The following DLG2 variants were observed in gnomAD, a reference collection of about 807,000 sequenced individuals.
The protein encoded by DLG2 is discs large MAGUK scaffold protein 2.
A neutral mutation model predicts 132.5 loss-of-function variants in DLG2; 45 were observed. The observed-to-expected ratio is 0.34, with a 90% CI of 0.27 to 0.44. The LOEUF (loss-of-function observed/expected upper bound fraction) is 0.44. DLG2 is among the 20% of genes least tolerant of loss of function. The pLI, the probability that DLG2 is intolerant of heterozygous loss-of-function variation, is 1.00. For missense variants in DLG2, 1,045 were observed against 1,196.9 expected (o/e 0.87, Z 1.87); for synonymous variants, 424 against 419.6 (o/e 1.01, Z -0.13).
chr11:85,462,993 C>G (rs1218312072), intron 3 of DLG2, among the ~76,000 whole-genome samples: 1 of 152,156 alleles, frequency 6.6e-6, no homozygotes, highest in African/African-American at 2.4e-5. Flanking sequence ...TATGAGTAGA[C>G]AGCGAGAAGG....
chr11:84,434,571 G>A (rs775508717), intron 7 of DLG2, among the ~76,000 whole-genome samples: 30 of 152,140 alleles, frequency 2.0e-4, no homozygotes, highest in Non-Finnish European at 3.7e-4. Context: ...TAATAGGGCT[G>A]TTGTGATAAT....
chr11:83,918,888 C>T (rs2077376947), intron 15 of DLG2, among the ~76,000 whole-genome samples: 1 of 152,122 alleles, frequency 6.6e-6, no homozygotes, highest in Non-Finnish European at 1.5e-5. Context: ...CTCATCTTGC[C>T]TCTGCCAGAC....
intron 3 of DLG2, among the ~76,000 whole-genome samples, chr11:85,359,233 G>C (rs1270074853): frequency 6.6e-6 from 1 of 152,152 alleles, no homozygotes; most frequent in Admixed American, 6.6e-5. Context: ...ATGCTCAGTG[G>C]TAATTAGGAT....
intron 18 of DLG2, among the ~76,000 whole-genome samples, chr11:83,717,117 T>C (rs2086885292): frequency 6.6e-6 from 1 of 152,168 alleles, no homozygotes. Flanking sequence ...TTGGAGCTCC[T>C]GTCTTTTCGA....
chr11:83,599,074 C>T (rs1310162919), intron 19 of DLG2, among the ~76,000 whole-genome samples: 1 of 152,234 alleles, frequency 6.6e-6, no homozygotes, highest in Non-Finnish European at 1.5e-5. Flanking sequence ...TTCCTATTCT[C>T]AGCATCCCCA....
chr11:85,005,920 G>A (rs1232660795), intron 6 of DLG2, among the ~76,000 whole-genome samples: 4 of 152,188 alleles, frequency 2.6e-5, no homozygotes, highest in Admixed American at 2.0e-4. Context: ...TTCATTGAGA[G>A]TTTTTAGCAT....
chr11:84,220,780 C>CTTTTTTTTTTTTTTTTTT (rs5793114), intron 8 of DLG2, among the ~76,000 whole-genome samples: 1 of 77,542 alleles, frequency 1.3e-5, no homozygotes. Flanking sequence ...TTTTTCTTTT[C>CTTTTTTTTTTTTTTTTTT]TTTTTTTTTT....
chr11:85,088,894 T>C (rs1020864296), intron 6 of DLG2, among the ~76,000 whole-genome samples: 4 of 152,202 alleles, frequency 2.6e-5, no homozygotes, highest in Admixed American at 6.5e-5. Context: ...CTTGTCAGCA[T>C]GGTTCAGTAA....
intron 6 of DLG2, among the ~76,000 whole-genome samples, chr11:84,929,675 T>C (rs145969701): frequency 1.0e-3 from 157 of 152,202 alleles, no homozygotes; most frequent in African/African-American, 3.7e-3. Context: ...TATAGAGAAA[T>C]TGCGTTATTG....
chr11:84,356,789 TAGAA>T (rs1416317697), intron 7 of DLG2, among the ~76,000 whole-genome samples: 1 of 151,650 alleles, frequency 6.6e-6, no homozygotes, highest in Admixed American at 6.6e-5. Context: ...AGAATGAACA[TAGAA>T]AGAGGAAATT....
chr11:83,921,760 A>T (rs2077970737), intron 15 of DLG2, among the ~76,000 whole-genome samples: 1 of 152,186 alleles, frequency 6.6e-6, no homozygotes, highest in African/African-American at 2.4e-5. Flanking sequence ...TAAAGTAAAT[A>T]CAAAGATTGC....
intron 18 of DLG2, among the ~76,000 whole-genome samples, chr11:83,686,790 C>T (rs1297163255): frequency 2.0e-5 from 3 of 152,168 alleles, no homozygotes; most frequent in Non-Finnish European, 4.4e-5. Flanking sequence ...CTGTGTATGA[C>T]TTTGATACAA....
Position 85,061,986 on chromosome 11 carries a change from T to A in DLG2, c.357+49675A>T, listed in dbSNP as rs1006584705. 6.6e-5 allele frequency among the ~76,000 whole-genome samples: 10 copies of A among 151,856 alleles called. No homozygotes were observed. The South Asian group carries it at 1.9e-3, about 28-fold the overall frequency. ...CCCATTTTACACTCGCATGGCTCAG[T>A]TGAAAAATTTGAGGTTAACACAACC... On this transcript the variant is annotated intron_variant, in intron 6 of 27. Transcript: ENST00000376104.
At chr11:85,319,905 T>C (rs2080938164) in intron 3 of DLG2, among the ~76,000 whole-genome samples, 1 of 151,904 alleles carries the variant, frequency 6.6e-6, no homozygotes, top group African/African-American at 2.4e-5. Flanking sequence ...TACTCCTAAG[T>C]CAAAGTTTAC....
At chr11:85,098,455 C>T (rs7949849) in intron 6 of DLG2, among the ~76,000 whole-genome samples, 35 of 152,234 alleles carry the variant, frequency 2.3e-4, no homozygotes, top group African/African-American at 7.2e-4. Context: ...ACGGCCATTC[C>T]GTGTGTACTC....
chr11:83,594,441 A>T (rs2097250599), intron 19 of DLG2, among the ~76,000 whole-genome samples: 1 of 152,234 alleles, frequency 6.6e-6, no homozygotes, highest in Non-Finnish European at 1.5e-5. Context: ...GAGTAATTTT[A>T]TACAGCACTG....
intron 6 of DLG2, among the ~76,000 whole-genome samples, chr11:84,953,140 A>C (rs549860699): frequency 6.6e-6 from 1 of 152,296 alleles, no homozygotes; most frequent in South Asian, 2.1e-4. Context: ...TTGCCTCTAC[A>C]ATTACCTCTT....
intron 11 of DLG2, among the ~76,000 whole-genome samples, chr11:84,013,740 G>A (rs527811253): frequency 4.6e-4 from 70 of 151,830 alleles, no homozygotes; most frequent in African/African-American, 1.1e-3. Flanking sequence ...GGTGGTGCAC[G>A]CCTGTAATTC....
chr11:84,850,602 G>A (rs962629310), intron 6 of DLG2, among the ~76,000 whole-genome samples: 3 of 152,084 alleles, frequency 2.0e-5, no homozygotes, highest in Admixed American at 2.0e-4. Flanking sequence ...TGAAAAGGAT[G>A]AAGTAAACTT....
Sources: gnomAD v4.1 joint callset for allele counts (sites outside exome capture counted in the v4.1 genomes callset) on GRCh38, gnomAD v4.1.1 for gene constraint, MANE v1.5 for transcripts, NCBI Gene and HGNC (gene_info 2026-07-23, HGNC 2026-07-21) for gene names.